Variants in GALNT9 observed in about 807,000 individuals in gnomAD.
GALNT9 encodes the protein GalNAc transferase 9.
In GALNT9, 47 loss-of-function variants were observed where a neutral mutation model predicts 63.1. The observed-to-expected ratio is 0.75, with a 90% CI of 0.59 to 0.95. The LOEUF is 0.95. GALNT9 is among the 40% of genes least tolerant of loss of function. The pLI is 0.00. For synonymous variants in GALNT9, 396 were observed against 365.7 expected (o/e 1.08, Z -0.94); for missense variants, 829 against 874.8 (o/e 0.95, Z 0.66).
chr12:132,322,639 G>A (rs914366483), intron 1 of GALNT9, among the ~76,000 whole-genome samples: 3 of 152,134 alleles, frequency 2.0e-5, no homozygotes, highest in Non-Finnish European at 4.4e-5. Flanking sequence ...AACGTAGGAA[G>A]CACCATGGCG....
intron 2 of GALNT9, among the ~76,000 whole-genome samples, chr12:132,268,260 C>T (rs528656901): frequency 1.3e-5 from 2 of 152,108 alleles, no homozygotes; most frequent in South Asian, 2.1e-4. Flanking sequence ...CACATGGACA[C>T]CCACCCCTAC....
In GALNT9 at chr12:132,265,503, G is replaced by A. The variant is rs782707372; in HGVS notation, c.420-2878C>T. 6.6e-6 allele frequency among the ~76,000 whole-genome samples: 1 copy of A among 152,222 alleles called. No individual in the cohort carries two copies. The highest frequency in any genetic ancestry group is 1.5e-5 in the Non-Finnish European group (1 of 68,046). Reference sequence around the variant, plus strand: ...GATGTAATTGAGTTAGGGATCCTGAGATGAGCTTGAGGCAGGATCGGTAGG... The same window carrying A: ...GATGTAATTGAGTTAGGGATCCTGAAATGAGCTTGAGGCAGGATCGGTAGG... On this transcript the variant is annotated intron_variant, in intron 2 of 10. Transcript: ENST00000328957. This position sits in a 1 kb window ranked among gnomAD's most constrained non-coding sequence, Gnocchi z 5.3.
At chr12:132,318,135 G>A (rs1384611756) in intron 1 of GALNT9, among the ~76,000 whole-genome samples, 5 of 152,278 alleles carry the variant, frequency 3.3e-5, no homozygotes, top group South Asian at 4.1e-4. Flanking sequence ...CCAGCTACTC[G>A]GGAGGCTGAG....
At chr12:132,207,330 G>A (rs1051026256) in intron 6 of GALNT9, among the ~76,000 whole-genome samples, 1 of 152,226 alleles carries the variant, frequency 6.6e-6, no homozygotes, top group Admixed American at 6.5e-5. Flanking sequence ...GCACACAGTA[G>A]GTGCTTGATA....
chr12:132,251,155 G>A (rs915180488), intron 5 of GALNT9, among the ~76,000 whole-genome samples: 12 of 152,192 alleles, frequency 7.9e-5, no homozygotes, highest in African/African-American at 2.2e-4. Flanking sequence ...AGCCACAAAC[G>A]CATGGAAACA....
intron 6 of GALNT9, among the ~76,000 whole-genome samples, chr12:132,243,912 T>A (rs1215833314): frequency 2.0e-5 from 3 of 151,908 alleles, no homozygotes; most frequent in Non-Finnish European, 2.9e-5. Context: ...TTTGGAAGAG[T>A]CCCGTGTCCG....
At chr12:132,308,878 G>A (rs1443703411) in intron 1 of GALNT9, among the ~76,000 whole-genome samples, 6 of 151,498 alleles carry the variant, frequency 4.0e-5, no homozygotes, top group African/African-American at 1.2e-4. Context: ...CACAGGGCTC[G>A]GGATGGCCGC....
chr12:132,199,615 C>G (rs4074185), intron 8 of GALNT9, among the ~76,000 whole-genome samples: 1 of 152,138 alleles, frequency 6.6e-6, no homozygotes, highest in Non-Finnish European at 1.5e-5. Flanking sequence ...GGGTAGAGAC[C>G]GCTCGCCAGC....
rs1357024913 is a variant in GALNT9 at position 132,286,211 on chromosome 12, C to T, written c.419+39G>A. On this transcript the variant is annotated intron_variant, in intron 2 of 10. Coordinates refer to ENST00000328957, the MANE Select transcript of GALNT9 (RefSeq NM_001122636.2). The surrounding 1 kb of genome is among the most constrained non-coding windows in gnomAD (Gnocchi z 7.4). ...CCAGTGTGGGGGGCGGTCACTTCCT[C>T]GGCGGGCGTCGGGGGATGGGGGGCA... The T allele has an allele frequency of 4.6e-6, 7 of 1,523,896 alleles. No homozygotes were observed. The highest frequency in any genetic ancestry group is 1.7e-4 in the Middle Eastern group (1 of 5,858). 94.4% of individuals were successfully genotyped at this position (1,523,896 alleles called of 1,614,324 possible).
At chr12:132,273,590 A>C (rs1218200728) in intron 2 of GALNT9, 1 of 152,764 alleles carries the variant, frequency 6.5e-6, no homozygotes, top group Non-Finnish European at 1.5e-5. Context: ...GATGTCACAG[A>C]GGAAACAAAT....
rs751502543 is a variant in GALNT9 at position 132,201,265 on chromosome 12, C to T, written c.1264-4G>A. The T allele has an allele frequency of 1.1e-5, 18 of 1,610,658 alleles. No homozygotes were observed. The highest frequency in any genetic ancestry group is 2.2e-5 in the East Asian group (1 of 44,870). On this transcript the variant is annotated splice_region_variant and splice_polypyrimidine_tract_variant and intron_variant, in intron 7 of 10. Coordinates refer to ENST00000328957, the MANE Select transcript of GALNT9 (RefSeq NM_001122636.2). ...CCCCGAAGTCCACCCCTGGGTTCTG[C>T]AAGGCCAGAAGTAGGTGAGAGGGTA...
At chr12:132,205,201 A>G (rs1876583718) in intron 6 of GALNT9, among the ~76,000 whole-genome samples, 1 of 151,844 alleles carries the variant, frequency 6.6e-6, no homozygotes, top group African/African-American at 2.4e-5. Context: ...CACGTCCCCT[A>G]GCTGCATCCT....
intron 1 of GALNT9, among the ~76,000 whole-genome samples, chr12:132,320,066 T>C (rs1284395844): frequency 2.0e-5 from 3 of 152,164 alleles, no homozygotes; most frequent in African/African-American, 7.2e-5. Context: ...TAGCTGAAAA[T>C]CAAAGATCTC....
intron 1 of GALNT9, among the ~76,000 whole-genome samples, chr12:132,299,919 A>G (rs1469599879): frequency 1.2e-3 from 141 of 114,400 alleles, no homozygotes; most frequent in Middle Eastern, 0.017. Context: ...TCCCTGAGAT[A>G]ACCAAGCCAC....
In GALNT9 at chr12:132,221,658, C is replaced by CAAAAAAAA. The variant is rs761220333; in HGVS notation, c.1078-17976_1078-17969dup. ...CCTGGGTGACAGAGTGAGACGTTCT[C>CAAAAAAAA]AAAAAAAAAAAAAAAAAAAAGCAAG... On this transcript the variant is annotated intron_variant, in intron 6 of 10. Transcript: ENST00000328957. 9.0e-4 allele frequency among the ~76,000 whole-genome samples: 72 copies of CAAAAAAAA among 79,592 alleles called. 1 individual carries two copies. The highest frequency in any genetic ancestry group is 4.5e-3 in the East Asian group (10 of 2,222). 52.2% of individuals were successfully genotyped at this position (79,592 alleles called of 152,430 possible).
rs564655276 is a variant in GALNT9, at chr12:132,319,839, G to A, written c.238+9127C>T. 3.9e-5 allele frequency among the ~76,000 whole-genome samples: 6 copies of A among 152,304 alleles called. No homozygotes were observed. The highest frequency in any genetic ancestry group is 7.3e-5 in the Non-Finnish European group (5 of 68,032). ...TCCCGCGTCCTTCTAGGGAGAAGCC[G>A]GATTTCCTGTAGAACCTGTGTCTTC... is the stretch of plus-strand genomic sequence containing the variant. On this transcript the variant is annotated intron_variant, in intron 1 of 10. Coordinates refer to ENST00000328957, the MANE Select transcript of GALNT9 (RefSeq NM_001122636.2). This position sits in a 1 kb window ranked among gnomAD's most constrained non-coding sequence, Gnocchi z 5.2.
rs1414098084 is a variant in GALNT9 at position 132,245,247 on chromosome 12, G to C, written c.1077+2663C>G. Among the ~76,000 whole-genome samples, 1 of 152,060 alleles carries C rather than the reference G, an allele frequency of 6.6e-6. No homozygotes were observed. The highest frequency in any genetic ancestry group is 1.5e-5 in the Non-Finnish European group (1 of 67,992). ...ACCTGAGCTCAGGAGTTTGAGACTA[G>C]CCTGATCAACATGGTGAAACCTCGT... On this transcript the variant is annotated intron_variant, in intron 6 of 10. Transcript: ENST00000328957. The surrounding 1 kb of genome is among the most constrained non-coding windows in gnomAD (Gnocchi z 6.3).
intron 5 of GALNT9, among the ~76,000 whole-genome samples, chr12:132,255,863 A>T (rs1879089016): frequency 6.6e-6 from 1 of 152,034 alleles, no homozygotes; most frequent in African/African-American, 2.4e-5. Context: ...TGCGATCTTC[A>T]CGCTGGGTGT....
intron 1 of GALNT9, among the ~76,000 whole-genome samples, chr12:132,325,725 A>C (rs1232179170): frequency 6.6e-6 from 1 of 152,144 alleles, no homozygotes; most frequent in Non-Finnish European, 1.5e-5. Context: ...CAGACCTGGG[A>C]CCTGGGCTAG....
Sources: gnomAD v4.1 joint callset for allele counts (sites outside exome capture counted in the v4.1 genomes callset) on GRCh38, gnomAD v4.1.1 for gene constraint, Gnocchi (gnomAD v3.1) non-coding constraint, MANE v1.5 for transcripts, NCBI Gene and HGNC (gene_info 2026-07-23, HGNC 2026-07-21) for gene names.